The following KCNMA1 variants were observed in gnomAD, a reference collection of about 807,000 sequenced individuals.
The protein encoded by KCNMA1 is Calcium-activated potassium channel subunit alpha-1.
KCNMA1 carries 29 observed loss-of-function variants against 140.0 expected under a neutral mutation model. The ratio of observed to expected loss-of-function variants is 0.21; its 90% CI spans 0.15 to 0.28. The LOEUF (loss-of-function observed/expected upper bound fraction) is 0.28. Ranked by LOEUF, KCNMA1 falls within the 10% of genes least tolerant of loss-of-function variation. The pLI is 1.00. For missense variants in KCNMA1, 880 were observed against 1,602.2 expected (o/e 0.55, Z 7.70); for synonymous variants, 612 against 611.9 (o/e 1.00, Z 0.00).
At position 76,909,996 on chromosome 10, in the gene KCNMA1, G is replaced by C. The variant is rs544106405; in HGVS notation, c.3117C>G (p.Ala1039=). Residue 1039 remains alanine (A), a synonymous_variant, in exon 25 of 28, where the codon GCC becomes GCG. Transcript: ENST00000286628. ...TCATGAGTGAGTCCAGGACACTGAC[G>C]GCAAATGCTGTCCCACAGGCAAAGG... ...TQPFACGTAF[A]VSVLDSLMSA... 3.7e-6 allele frequency: 6 copies of C among 1,613,754 alleles called. No homozygotes were observed. The African/African-American group carries it at 8.0e-5, about 22-fold the overall frequency.
chr10:77,159,676 G>A (rs1293814058), intron 5 of KCNMA1, among the ~76,000 whole-genome samples: 2 of 151,900 alleles, frequency 1.3e-5, no homozygotes, highest in East Asian at 1.9e-4. Context: ...CCCCCCTCCT[G>A]TAGCTAACAA....
rs527696262 is a variant in KCNMA1, at chr10:77,403,591, G to A, written c.540+271C>T. Among the ~76,000 whole-genome samples the A allele has an allele frequency of 1.8e-4, 28 of 152,126 alleles. 1 individual carries two copies. The highest frequency in any genetic ancestry group is 8.3e-4 in the South Asian group (4 of 4,808). On this transcript the variant is annotated intron_variant, in intron 2 of 27. Coordinates refer to ENST00000286628, the MANE Select transcript of KCNMA1 (RefSeq NM_001161352.2). ...TGATGGAGGGTGTGTGTGTGTGCGCGCATGTGTGCTTTAGCAGAGGAAATG... is the reference window on the plus strand; with the variant it reads ...TGATGGAGGGTGTGTGTGTGTGCGCACATGTGTGCTTTAGCAGAGGAAATG...
chr10:76,894,451 T>C (rs1417819064), intron 25 of KCNMA1, among the ~76,000 whole-genome samples: 1 of 152,124 alleles, frequency 6.6e-6, no homozygotes, highest in Non-Finnish European at 1.5e-5. Context: ...ACAAAAAGCA[T>C]AAACTACAAG....
chr10:77,627,254 C>A (rs1421610605), intron 1 of KCNMA1, among the ~76,000 whole-genome samples: 1 of 152,180 alleles, frequency 6.6e-6, no homozygotes, highest in Non-Finnish European at 1.5e-5. Flanking sequence ...AGTTTCCTAA[C>A]AAAGGCTCTG....
chr10:77,354,975 C>T (rs2093337525), intron 2 of KCNMA1, among the ~76,000 whole-genome samples: 2 of 152,324 alleles, frequency 1.3e-5, no homozygotes, highest in Admixed American at 6.5e-5. Flanking sequence ...TGTGTCCCCA[C>T]CCAAATCTCA....
At chr10:77,024,690 A>G (rs888373840) in intron 16 of KCNMA1, among the ~76,000 whole-genome samples, 2 of 152,096 alleles carry the variant, frequency 1.3e-5, no homozygotes, top group Non-Finnish European at 2.9e-5. Flanking sequence ...GCCCAAACAC[A>G]CTAGGAAAAA....
At chr10:76,971,393 G>A (rs180708475) in intron 19 of KCNMA1, among the ~76,000 whole-genome samples, 3 of 152,204 alleles carry the variant, frequency 2.0e-5, no homozygotes, top group Admixed American at 1.3e-4. Flanking sequence ...CCCTGAAAAC[G>A]CTAAATAAAT....
At chr10:77,008,248 A>G in intron 18 of KCNMA1, 2 of 1,481,892 alleles carry the variant, frequency 1.3e-6, no homozygotes, top group Non-Finnish European at 1.8e-6. Flanking sequence ...CAGCAAAGAG[A>G]AAAAAAATAA....
chr10:77,222,230 G>A (rs1409356061), intron 3 of KCNMA1, among the ~76,000 whole-genome samples: 1 of 152,180 alleles, frequency 6.6e-6, no homozygotes, highest in African/African-American at 2.4e-5. Context: ...CAATCAGATT[G>A]GGATCACCCC....
chr10:77,127,130 T>C (rs1596526744), intron 5 of KCNMA1, among the ~76,000 whole-genome samples: 1 of 149,360 alleles, frequency 6.7e-6, no homozygotes, highest in Admixed American at 6.7e-5. Context: ...AGAGTACATA[T>C]AGTGTTACTA....
intron 25 of KCNMA1, among the ~76,000 whole-genome samples, chr10:76,900,995 C>T (rs2045058208): frequency 6.6e-6 from 1 of 151,474 alleles, no homozygotes; most frequent in African/African-American, 2.4e-5. Context: ...TTAATCATTG[C>T]TATAACAAAA....
intron 19 of KCNMA1, among the ~76,000 whole-genome samples, chr10:76,998,899 G>A (rs1276730037): frequency 6.6e-6 from 1 of 152,220 alleles, no homozygotes; most frequent in Non-Finnish European, 1.5e-5. Context: ...TATTATTAAT[G>A]GTCAAAGGTG....
At chr10:76,922,413 C>T (rs867107950) in intron 23 of KCNMA1, among the ~76,000 whole-genome samples, 6 of 152,084 alleles carry the variant, frequency 3.9e-5, no homozygotes, top group African/African-American at 7.2e-5. Context: ...GAAGAAACTC[C>T]GCCCCCACCC....
chr10:77,636,477 C>T, intron 1 of KCNMA1: 1 of 1,536,194 alleles, frequency 6.5e-7, no homozygotes, highest in South Asian at 1.2e-5. Context: ...TCCAGCTCCG[C>T]GCTGCTGGTG....
chr10:77,457,400 C>T (rs1429466136), intron 1 of KCNMA1, among the ~76,000 whole-genome samples: 1 of 152,122 alleles, frequency 6.6e-6, no homozygotes, highest in Non-Finnish European at 1.5e-5. Context: ...TATCTATCAC[C>T]TCTGGGTATC....
At chr10:77,274,656 A>C (rs952228121) in intron 2 of KCNMA1, among the ~76,000 whole-genome samples, 1 of 152,196 alleles carries the variant, frequency 6.6e-6, no homozygotes, top group Non-Finnish European at 1.5e-5. Flanking sequence ...GCACAAACAC[A>C]AACACATTGG....
intron 1 of KCNMA1, among the ~76,000 whole-genome samples, chr10:77,501,898 A>G (rs1356941169): frequency 6.6e-6 from 1 of 152,228 alleles, no homozygotes; most frequent in Non-Finnish European, 1.5e-5. Context: ...TTTTCCACTC[A>G]TAAAGATGCA....
chr10:77,476,553 G>A (rs2098282860), intron 1 of KCNMA1, among the ~76,000 whole-genome samples: 1 of 152,208 alleles, frequency 6.6e-6, no homozygotes, highest in South Asian at 2.1e-4. Flanking sequence ...TCTAACCCCA[G>A]GTCCTGAGCG....
intron 14 of KCNMA1, among the ~76,000 whole-genome samples, chr10:77,044,034 T>C (rs2094894757): frequency 6.6e-6 from 1 of 152,204 alleles, no homozygotes; most frequent in Non-Finnish European, 1.5e-5. Flanking sequence ...AAAACCCTTA[T>C]GTATAACATA....
Sources: gnomAD v4.1 joint callset for allele counts (sites outside exome capture counted in the v4.1 genomes callset) on GRCh38, gnomAD v4.1.1 for gene constraint, MANE v1.5 for transcripts, NCBI Gene and HGNC (gene_info 2026-07-23, HGNC 2026-07-21) for gene names.